The following QTGAL variants were observed in gnomAD, a reference collection of about 807,000 sequenced individuals.
QTGAL encodes queuosine-tRNA galactosyltransferase, also known as BGnT-like protein 1.
chr17:82,979,349 G>T, the QTGAL span: 1 of 152,104 alleles, frequency 6.6e-6, no homozygotes, highest in East Asian at 1.9e-4. Context: ...CACACAAACT[G>T]GATAATTTAG....
the QTGAL span, among the ~76,000 whole-genome samples, chr17:82,964,031 G>GGGGC: frequency 1.0e-5 from 1 of 100,300 alleles, no homozygotes. Context: ...CTGAGGTCGG[G>GGGGC]GGGGTGGATT....
At chr17:82,964,264 A>AG in the QTGAL span, among the ~76,000 whole-genome samples, 1 of 150,780 alleles carries the variant, frequency 6.6e-6, no homozygotes, top group Non-Finnish European at 1.5e-5. Flanking sequence ...TCAAAAAAAA[A>AG]AAAAAAAAAA....
the QTGAL span, among the ~76,000 whole-genome samples, chr17:82,997,930 A>ATATATATAT: frequency 1.1e-4 from 15 of 131,630 alleles, no homozygotes; most frequent in Admixed American, 2.2e-4. Context: ...TAAAAAAAAA[A>ATATATATAT]ATATATATAT....
the QTGAL span, among the ~76,000 whole-genome samples, chr17:83,011,258 C>T: frequency 2.6e-5 from 4 of 152,204 alleles, no homozygotes; most frequent in East Asian, 3.8e-4. Context: ...GGGCGCAATG[C>T]GGGTTCCCTG....
chr17:83,029,548 T>C, the QTGAL span, among the ~76,000 whole-genome samples: 1 of 152,226 alleles, frequency 6.6e-6, no homozygotes, highest in African/African-American at 2.4e-5. Context: ...GGTCCATGGG[T>C]GTTTGTCACA....
the QTGAL span, among the ~76,000 whole-genome samples, chr17:82,984,804 G>A: frequency 6.6e-6 from 1 of 152,160 alleles, no homozygotes; most frequent in Non-Finnish European, 1.5e-5. Context: ...AGGGCAGCAG[G>A]GGTCCGCGTC....
the QTGAL span, among the ~76,000 whole-genome samples, chr17:82,985,982 G>C: frequency 2.0e-5 from 3 of 152,222 alleles, no homozygotes; most frequent in Non-Finnish European, 2.9e-5. Context: ...GTCCGGGCCT[G>C]TTCTCTGTGC....
At chr17:82,944,689 G>A in the QTGAL span, 1 of 152,196 alleles carries the variant, frequency 6.6e-6, no homozygotes, top group Admixed American at 6.5e-5. Context: ...CCGGGGAGCT[G>A]ATGTGGGATT....
chr17:83,051,694 G>C, the QTGAL span: 3 of 1,443,372 alleles, frequency 2.1e-6, no homozygotes, highest in Non-Finnish European at 2.7e-6. Flanking sequence ...GGGACGCGAG[G>C]ACCCAGCCTG....
the QTGAL span, among the ~76,000 whole-genome samples, chr17:82,983,345 T>A: frequency 6.6e-6 from 1 of 152,164 alleles, no homozygotes; most frequent in Admixed American, 6.5e-5. Context: ...AAATACAACC[T>A]TTTTTAATTG....
At chr17:82,956,800 C>A in the QTGAL span, 2 of 1,558,384 alleles carry the variant, frequency 1.3e-6, no homozygotes, top group African/African-American at 1.4e-5. The surrounding 1 kb of genome is among the most constrained non-coding windows in gnomAD (Gnocchi z 5.7). Context: ...CAGTCCTGCC[C>A]GAGCCTGGAG....
the QTGAL span, among the ~76,000 whole-genome samples, chr17:82,985,637 C>T: frequency 1.3e-5 from 2 of 152,294 alleles, no homozygotes; most frequent in East Asian, 3.9e-4. Context: ...GAAGCCCGTG[C>T]TCAGCAGGTC....
the QTGAL span, among the ~76,000 whole-genome samples, chr17:82,972,164 C>CA: frequency 6.9e-5 from 1 of 14,410 alleles, no homozygotes; most frequent in Non-Finnish European, 1.2e-4. Flanking sequence ...CACCACACCA[C>CA]GGGCCAGAAG....
chr17:83,050,326 C>T, the QTGAL span, among the ~76,000 whole-genome samples: 1 of 151,818 alleles, frequency 6.6e-6, no homozygotes, highest in Non-Finnish European at 1.5e-5. Flanking sequence ...GCCGAGCTCG[C>T]GCCATTGTAC....
the QTGAL span, among the ~76,000 whole-genome samples, chr17:83,032,297 G>A: frequency 0.011 from 740 of 70,108 alleles, 34 homozygotes; most frequent in Middle Eastern, 0.034. Context: ...GCTGAACAAC[G>A]GGTCAGACCA....
At chr17:83,005,223 A>G in the QTGAL span, 1 of 1,596,820 alleles carries the variant, frequency 6.3e-7, no homozygotes, top group Non-Finnish European at 8.6e-7. This position sits in a 1 kb window ranked among gnomAD's most constrained non-coding sequence, Gnocchi z 5.6. Flanking sequence ...GTGAAAAACA[A>G]CGGCAGACAG....
chr17:83,015,982 G>A, the QTGAL span, among the ~76,000 whole-genome samples: 1 of 152,188 alleles, frequency 6.6e-6, no homozygotes, highest in African/African-American at 2.4e-5. This position sits in a 1 kb window ranked among gnomAD's most constrained non-coding sequence, Gnocchi z 4.4. Context: ...TAACCTTGAA[G>A]ATCAGAAGAG....
the QTGAL span, among the ~76,000 whole-genome samples, chr17:82,956,406 C>T: frequency 7.2e-5 from 11 of 152,218 alleles, no homozygotes; most frequent in African/African-American, 2.7e-4. This position sits in a 1 kb window ranked among gnomAD's most constrained non-coding sequence, Gnocchi z 5.7. Flanking sequence ...AAGTTTCTAA[C>T]AAATGTTGGC....
the QTGAL span, chr17:83,005,046 C>T: frequency 3.0e-6 from 4 of 1,313,706 alleles, no homozygotes; most frequent in Non-Finnish European, 4.2e-6. The surrounding 1 kb of genome is among the most constrained non-coding windows in gnomAD (Gnocchi z 5.6). Flanking sequence ...GAGGCCACAG[C>T]ATAATGCATG....
Sources: gnomAD v4.1 joint callset for allele counts (sites outside exome capture counted in the v4.1 genomes callset) on GRCh38, gnomAD v4.1.1 for gene constraint, Gnocchi (gnomAD v3.1) non-coding constraint, MANE v1.5 for transcripts, NCBI Gene and HGNC (gene_info 2026-07-23, HGNC 2026-07-21) for gene names.